PLEKHG3: variants seen among roughly 807,000 people sequenced by gnomAD.
PLEKHG3 encodes pleckstrin homology domain-containing family G member 3.
Under a neutral mutation model 94.9 loss-of-function variants are expected in PLEKHG3, and 62 were observed. That is an observed-to-expected ratio of 0.65 (90% CI 0.53 to 0.81). The LOEUF is 0.81. Ranked by LOEUF, PLEKHG3 falls within the 30% of genes least tolerant of loss-of-function variation. The probability of loss-of-function intolerance (pLI) is 0.00; values close to 1 mark genes in which losing one functional copy is unlikely to be tolerated. For missense variants in PLEKHG3, 1,461 were observed against 1,619.3 expected (o/e 0.90, Z 1.68); for synonymous variants, 614 against 654.0 (o/e 0.94, Z 0.93).
In PLEKHG3 at chr14:64,730,231, C is replaced by T. The variant is rs1318572709; in HGVS notation, c.450-12C>T. 4 of 1,492,008 alleles carry T rather than the reference C, an allele frequency of 2.7e-6. No individual in the cohort carries two copies. Among genetic ancestry groups the T allele is most frequent in the South Asian group, 2.4e-5 (2 of 83,254 alleles). The allele number at this position is 1,492,008 out of a possible 1,614,324, so 92.4% of individuals were successfully genotyped here. ...CTGCAGAGGGTACAGTGGCTGCTCT[C>T]CCCTCACCCAGCCAGCTCCTCAGAG... is the stretch of plus-strand genomic sequence containing the variant. On this transcript the variant is annotated splice_polypyrimidine_tract_variant and intron_variant, in intron 3 of 16. Transcript: ENST00000247226. The surrounding 1 kb of genome is among the most constrained non-coding windows in gnomAD (Gnocchi z 5.4).
chr14:64,749,384 A>C lies in PLEKHG3; in HGVS notation c.*5681A>C. 6.2e-7 allele frequency: 1 copy of C among 1,609,902 alleles called. No individual in the cohort carries two copies. Among genetic ancestry groups the C allele is most frequent in the Non-Finnish European group, 8.5e-7 (1 of 1,179,756 alleles). ...GGCTGGCGTCGGGGCCGGAGAGGGA[A>C]GGCAGGGGCAGGCTCTGCGCCTTGA... On this transcript the variant is annotated 3_prime_UTR_variant, in exon 17 of 17. Transcript: ENST00000247226. This position sits in a 1 kb window ranked among gnomAD's most constrained non-coding sequence, Gnocchi z 4.7.
chr14:64,749,647 C>T lies in PLEKHG3; in HGVS notation c.*5944C>T, dbSNP rs763361291. The T allele has an allele frequency of 5.0e-6, 8 of 1,613,648 alleles. No individual in the cohort carries two copies. The South Asian group carries it at 5.5e-5, about 11-fold the overall frequency. ...AGCCAGGTCTGGGCTAGGCTGCCCG[C>T]GCTTACCTCATCCTTGCCATGGAAG... On this transcript the variant is annotated 3_prime_UTR_variant, in exon 17 of 17. Transcript: ENST00000247226. The surrounding 1 kb of genome is among the most constrained non-coding windows in gnomAD (Gnocchi z 4.7).
chr14:64,720,291 A>G lies in PLEKHG3; in HGVS notation c.-39-7302A>G, dbSNP rs547043953. On this transcript the variant is annotated intron_variant, in intron 1 of 16. Transcript: ENST00000247226. This position sits in a 1 kb window ranked among gnomAD's most constrained non-coding sequence, Gnocchi z 4.1. ...TGCTCTAGCTCCCTGTCTGGGGCCAAGTAGGATGGGACTACCGGGGTGAAT... is the reference window on the plus strand; with the variant it reads ...TGCTCTAGCTCCCTGTCTGGGGCCAGGTAGGATGGGACTACCGGGGTGAAT... 6.6e-6 allele frequency among the ~76,000 whole-genome samples: 1 copy of G among 152,346 alleles called. No homozygotes were observed. The highest frequency in any genetic ancestry group is 2.4e-5 in the African/African-American group (1 of 41,592).
Position 64,750,018 on chromosome 14 carries a change from C to T in PLEKHG3, c.*6315C>T. 1 of 1,614,206 alleles carries T rather than the reference C, an allele frequency of 6.2e-7. No homozygotes were observed. The highest frequency in any genetic ancestry group is 8.5e-7 in the Non-Finnish European group (1 of 1,180,028). On this transcript the variant is annotated 3_prime_UTR_variant, in exon 17 of 17. Transcript: ENST00000247226. ...ACGTGCTTCTTCTTCTTGTAGTTGG[C>T]AGCAATCTCACAGATGGCATGTCTC...
Position 64,721,764 on chromosome 14 carries a change from C to A in PLEKHG3, c.-39-5829C>A, listed in dbSNP as rs114428792. Among the ~76,000 whole-genome samples the A allele has an allele frequency of 5.4e-4, 82 of 152,178 alleles. No individual in the cohort carries two copies. Among genetic ancestry groups the A allele is most frequent in the Middle Eastern group, 3.4e-3 (1 of 294 alleles). On this transcript the variant is annotated intron_variant, in intron 1 of 16. Coordinates refer to ENST00000247226, the MANE Select transcript of PLEKHG3 (RefSeq NM_001308147.2). This position sits in a 1 kb window ranked among gnomAD's most constrained non-coding sequence, Gnocchi z 4.3. ...ACTGCTGGGAAAGGGGGCAAGGGTC[C>A]CCTAGGAGGGGGTCCTCCCCTCCCC...
rs1050672075 is a variant in PLEKHG3, at chr14:64,728,429, C to T, written c.351+447C>T. On this transcript the variant is annotated intron_variant, in intron 2 of 16. Transcript: ENST00000247226. The surrounding 1 kb of genome is among the most constrained non-coding windows in gnomAD (Gnocchi z 5.9). ...GCTGCCACTGAGGAAGCCCTCTGCC[C>T]CACTGGCTCAGGGCGTGGATTAGTT... 7.9e-5 allele frequency among the ~76,000 whole-genome samples: 12 copies of T among 152,364 alleles called. No homozygotes were observed. Among genetic ancestry groups the T allele is most frequent in the African/African-American group, 2.6e-4 (11 of 41,596 alleles).
intron 1 of PLEKHG3, among the ~76,000 whole-genome samples, chr14:64,705,072 G>A (rs1008985842): frequency 6.6e-6 from 1 of 152,242 alleles, no homozygotes; most frequent in Non-Finnish European, 1.5e-5. Flanking sequence ...TGTGGGCCTG[G>A]CGGGTGGACC....
intron 1 of PLEKHG3, among the ~76,000 whole-genome samples, chr14:64,708,717 G>T (rs887220005): frequency 6.6e-6 from 1 of 152,138 alleles, no homozygotes; most frequent in Non-Finnish European, 1.5e-5. Flanking sequence ...AAAGTTTGTG[G>T]TGAGTGGCTT....
In PLEKHG3 at chr14:64,732,842, A is replaced by G. The variant is rs540503184; in HGVS notation, c.1286A>G (p.Lys429Arg). 1.9e-6 allele frequency: 3 copies of G among 1,611,164 alleles called. No homozygotes were observed. The African/African-American group carries it at 4.0e-5, about 21-fold the overall frequency. Residue 429 changes from lysine (K) to arginine (R), a missense_variant, in exon 12 of 17, where the codon AAG becomes AGG. By Grantham distance (26) the Lys-to-Arg change is conservative (BLOSUM62 2). Transcript: ENST00000247226. This position sits in a 1 kb window ranked among gnomAD's most constrained non-coding sequence, Gnocchi z 4.9. ...CGCTGCAGCCCAGAGCGGCTGAAGA[A>G]GGCTTGGTCCTCCCAGGATGAGGTG... ...RYRCSPERLKKAWSSQDEVST... is the reference protein window; with the variant it reads ...RYRCSPERLKRAWSSQDEVST...
rs2139379103 is a variant in PLEKHG3 at position 64,727,527 on chromosome 14, C to A, written c.-39-66C>A. Reference sequence around the variant, plus strand: ...CCCCACCTGCCCCCACCCCTGGCAACCGTCCCTCTGTTCTGTTTCTGTGGG... The same window carrying A: ...CCCCACCTGCCCCCACCCCTGGCAAACGTCCCTCTGTTCTGTTTCTGTGGG... On this transcript the variant is annotated intron_variant, in intron 1 of 16. Coordinates refer to ENST00000247226, the MANE Select transcript of PLEKHG3 (RefSeq NM_001308147.2). The surrounding 1 kb of genome is among the most constrained non-coding windows in gnomAD (Gnocchi z 6.0). The A allele has an allele frequency of 1.2e-4, 42 of 343,948 alleles. No individual in the cohort carries two copies. Among genetic ancestry groups the A allele is most frequent in the East Asian group, 2.9e-4 (4 of 13,592 alleles). 21.3% of individuals were successfully genotyped at this position (343,948 alleles called of 1,614,324 possible). A position where few individuals can be genotyped will look rare whatever the true frequency, so the allele number is the denominator to read the frequency against.
intron 1 of PLEKHG3, among the ~76,000 whole-genome samples, chr14:64,710,619 C>T (rs887079349): frequency 6.6e-6 from 1 of 151,828 alleles, no homozygotes; most frequent in Non-Finnish European, 1.5e-5. Context: ...TGCAGTGGGC[C>T]GAGATTGCGC....
chr14:64,749,402 C>T lies in PLEKHG3; in HGVS notation c.*5699C>T, dbSNP rs57421986. On this transcript the variant is annotated 3_prime_UTR_variant, in exon 17 of 17. Transcript: ENST00000247226. The surrounding 1 kb of genome is among the most constrained non-coding windows in gnomAD (Gnocchi z 4.7). ...AGAGGGAAGGCAGGGGCAGGCTCTG[C>T]GCCTTGACGCGGATGCTCTGGGACT... 112,152 of 1,607,956 alleles carry T rather than the reference C, an allele frequency of 0.07. 5,278 individuals carry two copies. Among genetic ancestry groups the T allele is most frequent in the African/African-American group, 0.23 (17,354 of 74,984 alleles).
At chr14:64,737,301 TC>T in intron 13 of PLEKHG3, 54 bp from the exon 14 acceptor site, 1 of 1,431,408 alleles carries the variant, frequency 7.0e-7, no homozygotes, top group Non-Finnish European at 9.7e-7. Flanking sequence ...TCTCTTCCCC[TC>T]CCCTCCCCTG....
chr14:64,726,221 G>A lies in PLEKHG3; in HGVS notation c.-39-1372G>A, dbSNP rs1049753126. Among the ~76,000 whole-genome samples the A allele has an allele frequency of 2.2e-4, 34 of 152,080 alleles. No individual in the cohort carries two copies. Among genetic ancestry groups the A allele is most frequent in the African/African-American group, 7.2e-4 (30 of 41,392 alleles). ...CCAGGGGTGTTGGTTTCCAGGTTGA[G>A]GCATAGGCACAGAAAACCAGGGGTC... is the stretch of plus-strand genomic sequence containing the variant. On this transcript the variant is annotated intron_variant, in intron 1 of 16. Transcript: ENST00000247226. The surrounding 1 kb of genome is among the most constrained non-coding windows in gnomAD (Gnocchi z 5.1).
intron 1 of PLEKHG3, among the ~76,000 whole-genome samples, chr14:64,707,898 C>T (rs904561758): frequency 2.0e-5 from 3 of 152,206 alleles, no homozygotes; most frequent in Non-Finnish European, 4.4e-5. Flanking sequence ...ATCATACTTA[C>T]CACATGCGGC....
Position 64,739,925 on chromosome 14 carries a change from T to C in PLEKHG3, c.1518+1070T>C, listed in dbSNP as rs1049025618. Among the ~76,000 whole-genome samples, 1 of 152,210 alleles carries C rather than the reference T, an allele frequency of 6.6e-6. No individual in the cohort carries two copies. Among genetic ancestry groups the C allele is most frequent in the Non-Finnish European group, 1.5e-5 (1 of 68,040 alleles). Reference sequence around the variant, plus strand: ...ACACAGACATTCAGAGCAGAGCAAATTGGGGTGTCAAATAATAATACAATG... The same window carrying C: ...ACACAGACATTCAGAGCAGAGCAAACTGGGGTGTCAAATAATAATACAATG... On this transcript the variant is annotated intron_variant, in intron 15 of 16. Transcript: ENST00000247226. The surrounding 1 kb of genome is among the most constrained non-coding windows in gnomAD (Gnocchi z 4.1).
rs5809246 is a variant in PLEKHG3, at chr14:64,717,112, C to CTGTGT, written c.-39-10481_-39-10480insTGTGT. Among the ~76,000 whole-genome samples the CTGTGT allele has an allele frequency of 1.4e-5, 2 of 144,372 alleles. No individual in the cohort carries two copies. Among genetic ancestry groups the CTGTGT allele is most frequent in the African/African-American group, 5.2e-5 (2 of 38,728 alleles). 94.7% of individuals were successfully genotyped at this position (144,372 alleles called of 152,430 possible). On this transcript the variant is annotated intron_variant, in intron 1 of 16. Transcript: ENST00000247226. The surrounding 1 kb of genome is among the most constrained non-coding windows in gnomAD (Gnocchi z 4.7). ...GGCTGGCCGCCTTTGGGAATTTACA[C>CTGTGT]GTGTGTGTGTGTGTGTGTGTGTGTG... is the stretch of plus-strand genomic sequence containing the variant.
In PLEKHG3 at chr14:64,746,606, G is replaced by A. The variant is rs1369785503; in HGVS notation, c.*2903G>A. 6.6e-6 allele frequency: 1 copy of A among 152,536 alleles called. No individual in the cohort carries two copies. Among genetic ancestry groups the A allele is most frequent in the Admixed American group, 6.5e-5 (1 of 15,284 alleles). The allele number at this position is 152,536 out of a possible 1,614,324, so 9.4% of individuals were successfully genotyped here. A position where few individuals can be genotyped will look rare whatever the true frequency, so the allele number is the denominator to read the frequency against. ...CCCTCCGATAGGCAGGAAGGAGGAG[G>A]GATGCGGAGGAGAGGCTGAGCCTTC... On this transcript the variant is annotated 3_prime_UTR_variant, in exon 17 of 17. Transcript: ENST00000247226. The surrounding 1 kb of genome is among the most constrained non-coding windows in gnomAD (Gnocchi z 4.9).
In PLEKHG3 at chr14:64,726,789, G is replaced by A. The variant is rs542870007; in HGVS notation, c.-39-804G>A. Among the ~76,000 whole-genome samples the A allele has an allele frequency of 7.9e-5, 12 of 152,338 alleles. No individual in the cohort carries two copies. Among genetic ancestry groups the A allele is most frequent in the African/African-American group, 2.6e-4 (11 of 41,572 alleles). On this transcript the variant is annotated intron_variant, in intron 1 of 16. Transcript: ENST00000247226. The surrounding 1 kb of genome is among the most constrained non-coding windows in gnomAD (Gnocchi z 5.1). ...GTACCAGGTGCTGGGGTGGGGCTGC[G>A]GAGTCGGGGGATAATGCTGGCTCAG...
Sources: allele counts gnomAD v4.1 joint callset (sites outside exome capture counted in the v4.1 genomes callset), GRCh38; gene constraint gnomAD v4.1.1; non-coding constraint Gnocchi (gnomAD v3.1); transcripts MANE v1.5; gene names NCBI Gene and HGNC (gene_info 2026-07-23, HGNC 2026-07-21).